PCGF3: variants seen among roughly 807,000 people sequenced by gnomAD.
PCGF3 encodes the protein polycomb group ring finger 3.
In PCGF3, 7 loss-of-function variants were observed where a neutral mutation model predicts 33.1. That is an observed-to-expected ratio of 0.21 (90% CI 0.12 to 0.40). PCGF3 has a LOEUF of 0.40. Ranked by LOEUF, PCGF3 falls within the 10% of genes least tolerant of loss-of-function variation. The probability of loss-of-function intolerance (pLI) is 1.00; values close to 1 mark genes in which losing one functional copy is unlikely to be tolerated. For synonymous variants in PCGF3, 153 were observed against 121.3 expected (o/e 1.26, Z -1.72); for missense variants, 211 against 313.3 (o/e 0.67, Z 2.46).
intron 5 of PCGF3, among the ~76,000 whole-genome samples, chr4:735,672 C>T (rs1743794124): frequency 6.6e-6 from 1 of 152,262 alleles, no homozygotes; most frequent in Non-Finnish European, 1.5e-5. Flanking sequence ...TTGGATACCC[C>T]TTTCACCTTT....
At chr4:754,044 C>A (rs954745451) in intron 8 of PCGF3, among the ~76,000 whole-genome samples, 1 of 152,200 alleles carries the variant, frequency 6.6e-6, no homozygotes, top group African/African-American at 2.4e-5. Context: ...TCCTGGCACC[C>A]ACAGACCCAG....
chr4:719,618 G>A (rs925018043), intron 1 of PCGF3, among the ~76,000 whole-genome samples: 11 of 152,264 alleles, frequency 7.2e-5, no homozygotes, highest in Admixed American at 2.0e-4. Flanking sequence ...TACGCCATAA[G>A]GAGGTGGAGA....
intron 3 of PCGF3, among the ~76,000 whole-genome samples, chr4:732,802 G>T (rs1425091497): frequency 1.3e-5 from 2 of 152,248 alleles, no homozygotes; most frequent in African/African-American, 2.4e-5. Context: ...CGAAGTCCCA[G>T]TAGTGGGGTG....
chr4:762,694 T>C (rs922991676), intron 9 of PCGF3: 2 of 152,282 alleles, frequency 1.3e-5, no homozygotes, highest in Admixed American at 6.5e-5. Flanking sequence ...CAGTGTGTGG[T>C]GTTCTGTGGC....
chr4:729,125 A>G (rs895032033), intron 1 of PCGF3, among the ~76,000 whole-genome samples: 7 of 148,616 alleles, frequency 4.7e-5, no homozygotes, highest in Admixed American at 6.7e-5. Context: ...AAAAAAAAAA[A>G]AAAACTGGGC....
At chr4:756,832 G>C (rs1040643664) in intron 8 of PCGF3, among the ~76,000 whole-genome samples, 2 of 152,144 alleles carry the variant, frequency 1.3e-5, no homozygotes, top group Non-Finnish European at 2.9e-5. Context: ...GGCCTGCCGG[G>C]GGCTCTGAGG....
intron 1 of PCGF3, among the ~76,000 whole-genome samples, chr4:711,008 C>G (rs1742538069): frequency 6.6e-6 from 1 of 152,248 alleles, no homozygotes; most frequent in South Asian, 2.1e-4. Context: ...GACGTGAGAC[C>G]TTGACCACAC....
In PCGF3 at chr4:760,085, A is replaced by G. The variant is rs1390708976; in HGVS notation, c.463-1194A>G. On this transcript the variant is annotated intron_variant, in intron 8 of 10. Coordinates refer to ENST00000362003, the Ensembl canonical transcript of PCGF3. ...CAAGGATGTCTCTTGCTTTTTGCACAGAATCCACTTATCTCCCCAGTGGCT... is the reference window on the plus strand; with the variant it reads ...CAAGGATGTCTCTTGCTTTTTGCACGGAATCCACTTATCTCCCCAGTGGCT... Among the ~76,000 whole-genome samples the G allele has an allele frequency of 2.0e-5, 3 of 152,328 alleles. No homozygotes were observed. In the East Asian group the frequency reaches 5.8e-4, roughly 29 times the overall value.
At chr4:706,583 G>GT (rs2109495869) in intron 1 of PCGF3, among the ~76,000 whole-genome samples, 1 of 143,300 alleles carries the variant, frequency 7.0e-6, no homozygotes, top group Non-Finnish European at 1.5e-5. Flanking sequence ...CAGGACCGCG[G>GT]GAGGGCAGGG....
At chr4:716,525 T>C (rs376480540) in intron 1 of PCGF3, among the ~76,000 whole-genome samples, 943 of 63,322 alleles carry the variant, frequency 0.015, no homozygotes, top group Non-Finnish European at 0.019. Flanking sequence ...GAGAACTGGG[T>C]GTCGGTGCTG....
intron 6 of PCGF3, among the ~76,000 whole-genome samples, chr4:743,271 T>C (rs1300119635): frequency 6.6e-6 from 1 of 152,054 alleles, no homozygotes; most frequent in Admixed American, 6.5e-5. Context: ...CCCACGTGGG[T>C]TGGTGGGGCG....
chr4:727,198 T>C (rs1743364851), intron 1 of PCGF3, among the ~76,000 whole-genome samples: 1 of 149,610 alleles, frequency 6.7e-6, no homozygotes, highest in Non-Finnish European at 1.5e-5. Flanking sequence ...CATTGTTGTA[T>C]AAGACTTTGA....
chr4:755,747 T>G (rs1744739378), intron 8 of PCGF3, among the ~76,000 whole-genome samples: 1 of 151,964 alleles, frequency 6.6e-6, no homozygotes, highest in South Asian at 2.1e-4. Context: ...CACTCTCAGG[T>G]CCCCCTGGGC....
At chr4:706,469 A>G (rs1490383090) in intron 1 of PCGF3, among the ~76,000 whole-genome samples, 1 of 136,512 alleles carries the variant, frequency 7.3e-6, no homozygotes, top group African/African-American at 3.1e-5. Flanking sequence ...GAGGGCAAAG[A>G]CCCCAGAACA....
In PCGF3 at chr4:743,441, T is replaced by A. The variant is rs771751985; in HGVS notation, c.263-33T>A. 44 of 1,256,528 alleles carry A rather than the reference T, an allele frequency of 3.5e-5. 1 individual carries two copies. The highest frequency in any genetic ancestry group is 3.6e-5 in the Non-Finnish European group (31 of 854,774). The allele number at this position is 1,256,528 out of a possible 1,614,324, so 77.8% of individuals were successfully genotyped here. A position where few individuals can be genotyped will look rare whatever the true frequency, so the allele number is the denominator to read the frequency against. ...GAAGTTTAATAGAATCCACTGCCTG[T>A]GAGATGAAAGACTGTGTGTTGATTT... On this transcript the variant is annotated intron_variant, in intron 6 of 10. Transcript: ENST00000362003.
At chr4:766,039 C>A in exon 11 of PCGF3, 1 of 1,614,046 alleles carries the variant, frequency 6.2e-7, no homozygotes, top group Non-Finnish European at 8.5e-7. Flanking sequence ...CAGAAGGCGC[C>A]GCTCCTGCTG....
At chr4:749,605 G>C (rs1022890818) in intron 8 of PCGF3, among the ~76,000 whole-genome samples, 2 of 144,742 alleles carry the variant, frequency 1.4e-5, no homozygotes, top group South Asian at 4.3e-4. Context: ...TCCTGCTTCA[G>C]CCTCCTAAGT....
At chr4:754,370 T>C (rs921723561) in intron 8 of PCGF3, among the ~76,000 whole-genome samples, 2 of 152,110 alleles carry the variant, frequency 1.3e-5, no homozygotes, top group Admixed American at 6.5e-5. Context: ...CGAGAGCCGG[T>C]CACCTGCTCC....
At chr4:731,402 G>A (rs1483754858) in intron 3 of PCGF3, 9 of 379,352 alleles carry the variant, frequency 2.4e-5, no homozygotes, top group Non-Finnish European at 3.7e-5. Context: ...CTTGGGGGCC[G>A]AGCCTGGGGC....
Sources: gnomAD v4.1 joint callset for allele counts (sites outside exome capture counted in the v4.1 genomes callset) on GRCh38, gnomAD v4.1.1 for gene constraint, MANE v1.5 for transcripts, NCBI Gene and HGNC (gene_info 2026-07-23, HGNC 2026-07-21) for gene names.